PIP5K1B: variants seen among roughly 807,000 people sequenced by gnomAD.
PIP5K1B encodes phosphatidylinositol 4-phosphate 5-kinase type-1 beta.
A neutral mutation model predicts 67.0 loss-of-function variants in PIP5K1B; 42 were observed. The ratio of observed to expected loss-of-function variants is 0.63; its 90% CI spans 0.49 to 0.81. The LOEUF is 0.81. Among genes scored for constraint, PIP5K1B ranks in the 30% least tolerant of loss-of-function variants. PIP5K1B has a pLI of 0.00. For missense variants in PIP5K1B, 459 were observed against 646.3 expected (o/e 0.71, Z 3.14); for synonymous variants, 214 against 231.4 (o/e 0.92, Z 0.68).
At chr9:68,983,006 A>C (rs1183495369) in intron 14 of PIP5K1B, among the ~76,000 whole-genome samples, 1 of 152,194 alleles carries the variant, frequency 6.6e-6, no homozygotes, top group African/African-American at 2.4e-5. Flanking sequence ...TTTCTTGATT[A>C]GGAAAGTTAC....
chr9:68,901,143 T>C (rs533653159), intron 8 of PIP5K1B, among the ~76,000 whole-genome samples: 1 of 152,332 alleles, frequency 6.6e-6, no homozygotes, highest in Admixed American at 6.5e-5. Context: ...TAGAAATACT[T>C]CAATTTAAAT....
intron 1 of PIP5K1B, among the ~76,000 whole-genome samples, chr9:68,736,190 G>A (rs901362002): frequency 1.3e-5 from 2 of 152,186 alleles, no homozygotes; most frequent in Non-Finnish European, 2.9e-5. Flanking sequence ...TTGAGCAGAG[G>A]AATAGGGTCA....
intron 2 of PIP5K1B, chr9:68,781,170 T>C (rs1475209075): frequency 2.7e-6 from 3 of 1,125,574 alleles, no homozygotes; most frequent in Non-Finnish European, 3.8e-6. Context: ...ATGATGTTAT[T>C]CTAGAGAACT....
chr9:68,833,739 G>T (rs151096601), intron 4 of PIP5K1B, among the ~76,000 whole-genome samples: 7 of 152,218 alleles, frequency 4.6e-5, no homozygotes. Context: ...CGGGGCCATG[G>T]TTGGATGTGG....
At chr9:68,739,486 A>G (rs573571215) in intron 1 of PIP5K1B, among the ~76,000 whole-genome samples, 17 of 152,348 alleles carry the variant, frequency 1.1e-4, no homozygotes, top group Admixed American at 2.6e-4. Context: ...ACGTTAGCAC[A>G]TTATATTCTT....
At chr9:68,820,381 A>G (rs1272406618) in intron 3 of PIP5K1B, among the ~76,000 whole-genome samples, 1 of 152,228 alleles carries the variant, frequency 6.6e-6, no homozygotes. Flanking sequence ...GGAAGACTCT[A>G]TTCTAACACG....
intron 2 of PIP5K1B, among the ~76,000 whole-genome samples, chr9:68,754,001 T>C (rs1587391873): frequency 6.6e-6 from 1 of 152,050 alleles, no homozygotes; most frequent in African/African-American, 2.4e-5. Flanking sequence ...ATAAGAACAT[T>C]AGAGTAATTT....
At chr9:69,006,232 A>T (rs1268249590) in intron 15 of PIP5K1B, among the ~76,000 whole-genome samples, 2 of 152,060 alleles carry the variant, frequency 1.3e-5, no homozygotes, top group Non-Finnish European at 2.9e-5. Flanking sequence ...ACTGGCTTCC[A>T]TGCAGTTGTC....
intron 1 of PIP5K1B, among the ~76,000 whole-genome samples, chr9:68,716,625 G>A (rs1337194651): frequency 6.6e-6 from 1 of 152,178 alleles, no homozygotes; most frequent in African/African-American, 2.4e-5. Flanking sequence ...GCTTATGCAC[G>A]ATTGCTTGGT....
intron 14 of PIP5K1B, among the ~76,000 whole-genome samples, chr9:68,982,597 A>G (rs1269062964): frequency 1.3e-5 from 2 of 152,048 alleles, no homozygotes; most frequent in Non-Finnish European, 2.9e-5. Flanking sequence ...TCTCTACTAA[A>G]AATACAAAAA....
At chr9:68,914,543 G>A (rs533930543) in intron 8 of PIP5K1B, among the ~76,000 whole-genome samples, 107 of 152,110 alleles carry the variant, frequency 7.0e-4, no homozygotes, top group African/African-American at 1.9e-3. Flanking sequence ...GTGAAACCCC[G>A]TCTCTACTAA....
intron 6 of PIP5K1B, among the ~76,000 whole-genome samples, chr9:68,877,629 G>A (rs762316697): frequency 1.3e-5 from 2 of 152,174 alleles, no homozygotes; most frequent in Admixed American, 6.5e-5. Context: ...ATAGCAACAC[G>A]TGTAACAAAG....
At chr9:68,956,578 A>G (rs1027748982) in intron 14 of PIP5K1B, among the ~76,000 whole-genome samples, 8 of 152,246 alleles carry the variant, frequency 5.3e-5, no homozygotes, top group Non-Finnish European at 1.2e-4. Context: ...TAAATAGCAA[A>G]TAGTTCTGTC....
intron 2 of PIP5K1B, among the ~76,000 whole-genome samples, chr9:68,817,941 C>G (rs1833538215): frequency 6.6e-6 from 1 of 152,048 alleles, no homozygotes; most frequent in Non-Finnish European, 1.5e-5. Context: ...ATAATTATAG[C>G]ACAACAGCTT....
At chr9:68,944,391 G>A (rs908497511) in intron 14 of PIP5K1B, among the ~76,000 whole-genome samples, 14 of 152,280 alleles carry the variant, frequency 9.2e-5, no homozygotes, top group South Asian at 8.3e-4. Flanking sequence ...GATTTCCTGC[G>A]TAGTTGGTAG....
intron 4 of PIP5K1B, among the ~76,000 whole-genome samples, chr9:68,855,519 A>G (rs1485448612): frequency 6.6e-6 from 1 of 152,196 alleles, no homozygotes; most frequent in East Asian, 1.9e-4. Flanking sequence ...AATAGGTACC[A>G]TCTTCAGTTT....
At chr9:68,834,903 T>C (rs1176255350) in intron 4 of PIP5K1B, among the ~76,000 whole-genome samples, 2 of 152,164 alleles carry the variant, frequency 1.3e-5, no homozygotes, top group African/African-American at 4.8e-5. Context: ...CAGCTGTTCC[T>C]GGAAGAACTT....
At chr9:68,838,376 A>C (rs1384353116) in intron 4 of PIP5K1B, among the ~76,000 whole-genome samples, 1 of 152,220 alleles carries the variant, frequency 6.6e-6, no homozygotes, top group East Asian at 1.9e-4. Flanking sequence ...GTGTTTTAAA[A>C]AACAAATGCC....
At chr9:68,895,426 G>A (rs1242352405) in intron 8 of PIP5K1B, among the ~76,000 whole-genome samples, 1 of 152,154 alleles carries the variant, frequency 6.6e-6, no homozygotes, top group Non-Finnish European at 1.5e-5. Context: ...GGGTAGTGGA[G>A]GTGGGCAGAA....
Sources: gnomAD v4.1 joint callset for allele counts (sites outside exome capture counted in the v4.1 genomes callset) on GRCh38, gnomAD v4.1.1 for gene constraint, MANE v1.5 for transcripts, NCBI Gene and HGNC (gene_info 2026-07-23, HGNC 2026-07-21) for gene names.